Variants in FAF2 observed in about 807,000 individuals in gnomAD.
The protein encoded by FAF2 is Fas associated factor family member 2.
FAF2 carries 9 observed loss-of-function variants against 62.3 expected under a neutral mutation model. The ratio of observed to expected loss-of-function variants is 0.14; its 90% CI spans 0.09 to 0.25. FAF2 has a LOEUF of 0.25. FAF2 is among the 10% of genes least tolerant of loss of function. FAF2 has a pLI of 1.00. For synonymous variants in FAF2, 202 were observed against 198.0 expected, an observed-to-expected ratio of 1.02 and a Z score of -0.17; for missense variants, 368 against 556.2, an observed-to-expected ratio of 0.66 and a Z score of 3.40.
At chr5:176,466,958 T>A (rs1248702071) in intron 1 of FAF2, among the ~76,000 whole-genome samples, 1 of 151,102 alleles carries the variant, frequency 6.6e-6, no homozygotes, top group Non-Finnish European at 1.5e-5. Context: ...GCAATTACAT[T>A]TTTAACTTCT....
At chr5:176,493,389 C>G (rs529441930) in intron 5 of FAF2, among the ~76,000 whole-genome samples, 1 of 152,200 alleles carries the variant, frequency 6.6e-6, no homozygotes, top group Admixed American at 6.5e-5. Context: ...GGTAGACCAC[C>G]CTTGACCATG....
At chr5:176,499,215 A>G in intron 9 of FAF2, 130 bp downstream of exon 9, 1 of 848,492 alleles carries the variant, frequency 1.2e-6, no homozygotes, top group Non-Finnish European at 1.6e-6. Context: ...AAAAGGAAAA[A>G]GGAAAGAAAA....
intron 3 of FAF2, 41 bp from the exon 4 acceptor site, chr5:176,488,910 G>T: frequency 6.8e-7 from 1 of 1,478,228 alleles, no homozygotes; most frequent in African/African-American, 1.4e-5. Flanking sequence ...AAATATTAGG[G>T]ATTGAGAGAA....
chr5:176,469,375 G>T (rs1031488786), intron 1 of FAF2, among the ~76,000 whole-genome samples: 4 of 152,198 alleles, frequency 2.6e-5, no homozygotes, highest in Non-Finnish European at 5.9e-5. Flanking sequence ...CTCTCTTCCA[G>T]AAATGCTGAT....
intron 1 of FAF2, among the ~76,000 whole-genome samples, chr5:176,454,577 GAAAAAAAAAAAAAAAAAAAA>G (rs56324116): frequency 1.0e-5 from 1 of 95,324 alleles, no homozygotes; most frequent in Non-Finnish European, 2.0e-5. Context: ...GATTCTGTCT[GAAAAAAAAAAAAAAAAAAAA>G]AAAAAAAAAA....
At chr5:176,499,974 A>G (rs1484405427) in intron 9 of FAF2, 29 bp from the exon 10 acceptor site, 1 of 1,613,076 alleles carries the variant, frequency 6.2e-7, no homozygotes, top group East Asian at 2.2e-5. Flanking sequence ...CTTGAGCTGT[A>G]GCCTCACCTT....
chr5:176,487,575 C>T lies in FAF2; in HGVS notation c.267+1086C>T, dbSNP rs562260974. On this transcript the variant is annotated intron_variant, in intron 3 of 10. Coordinates refer to ENST00000261942, the MANE Select transcript of FAF2 (RefSeq NM_014613.3). Reference sequence around the variant, plus strand: ...CCATGTCAGCCATGGGGCTCCAGAGCTTCCTGGCCACAGACACAGAAAGTG... The same window carrying T: ...CCATGTCAGCCATGGGGCTCCAGAGTTTCCTGGCCACAGACACAGAAAGTG... 3.9e-5 allele frequency among the ~76,000 whole-genome samples: 6 copies of T among 152,286 alleles called. No individual in the cohort carries two copies. In the East Asian group the frequency reaches 9.7e-4, roughly 25 times the overall value.
chr5:176,496,912 C>T lies in FAF2; in HGVS notation c.839+249C>T, dbSNP rs977574681. ...GTGGCTAACACCTGAAATCCTAGCA[C>T]GTTAGGAGGCTGAGGCAGGAGGATT... is the stretch of plus-strand genomic sequence containing the variant. On this transcript the variant is annotated intron_variant, in intron 8 of 10. Coordinates refer to ENST00000261942, the MANE Select transcript of FAF2 (RefSeq NM_014613.3). 10 of 256,934 alleles carry T rather than the reference C, an allele frequency of 3.9e-5. No homozygotes were observed. In the East Asian group the frequency reaches 5.5e-4, roughly 14 times the overall value. 15.9% of individuals were successfully genotyped at this position (256,934 alleles called of 1,614,324 possible). A position where few individuals can be genotyped will look rare whatever the true frequency, so the allele number is the denominator to read the frequency against.
Position 176,479,193 on chromosome 5 carries a change from C to T in FAF2, c.69C>T (p.Leu23=), listed in dbSNP as rs200492756. The T allele has an allele frequency of 1.2e-6, 2 of 1,613,682 alleles. No individual in the cohort carries two copies. Among genetic ancestry groups the T allele is most frequent in the Non-Finnish European group, 8.5e-7 (1 of 1,179,788 alleles). Residue 23 remains leucine (L), a synonymous_variant, in exon 2 of 11, where the codon CTC becomes CTT. Coordinates refer to ENST00000261942, the MANE Select transcript of FAF2 (RefSeq NM_014613.3). ...GTTTTCATCCTTCTTTTCAGGATCTCACTGGCATCGAATCTATGGATCAGT... is the reference window on the plus strand; with the variant it reads ...GTTTTCATCCTTCTTTTCAGGATCTTACTGGCATCGAATCTATGGATCAGT... The part of the protein sequence containing the change: ...QTEKLLQFQD[L]TGIESMDQCR...
chr5:176,477,471 A>T (rs1758723447), intron 1 of FAF2, among the ~76,000 whole-genome samples: 1 of 152,090 alleles, frequency 6.6e-6, no homozygotes, highest in Admixed American at 6.6e-5. Context: ...AATGTAGGAC[A>T]CTGAAAGTTA....
intron 1 of FAF2, among the ~76,000 whole-genome samples, chr5:176,461,024 T>G (rs1234936444): frequency 6.6e-6 from 1 of 151,958 alleles, no homozygotes; most frequent in Non-Finnish European, 1.5e-5. Flanking sequence ...TTCTCTTTTT[T>G]TTTTTTCAGA....
chr5:176,509,314 T>C lies in FAF2; in HGVS notation c.*2364T>C, dbSNP rs1333460359. 6.6e-6 allele frequency: 1 copy of C among 152,218 alleles called. No individual in the cohort carries two copies. The highest frequency in any genetic ancestry group is 1.5e-5 in the Non-Finnish European group (1 of 68,036). The allele number at this position is 152,218 out of a possible 1,614,324, so 9.4% of individuals were successfully genotyped here. A position where few individuals can be genotyped will look rare whatever the true frequency, so the allele number is the denominator to read the frequency against. ...CACTTAATGCCAGTACAATCTGTGT[T>C]ACTCCTAAGGACTTTTGGGATTTTG... On this transcript the variant is annotated 3_prime_UTR_variant, in exon 11 of 11. Transcript: ENST00000261942.
rs191236660 is a variant in FAF2, at chr5:176,490,341, T to C, written c.344+1314T>C. On this transcript the variant is annotated intron_variant, in intron 4 of 10. Transcript: ENST00000261942. Reference sequence around the variant, plus strand: ...AAAAAAAAAGAAAAAGAAAAGAAAATGAGTGGGGCACAACTTCTTAGCATG... The same window carrying C: ...AAAAAAAAAGAAAAAGAAAAGAAAACGAGTGGGGCACAACTTCTTAGCATG... 3.6e-3 allele frequency among the ~76,000 whole-genome samples: 536 copies of C among 147,852 alleles called. 9 individuals carry two copies. The highest frequency in any genetic ancestry group is 0.034 in the Admixed American group (498 of 14,816).
chr5:176,486,321 G>A (rs377098077), intron 2 of FAF2, 34 bp from the exon 3 acceptor site: 62 of 1,608,960 alleles, frequency 3.9e-5, no homozygotes, highest in Non-Finnish European at 4.9e-5. Context: ...TTTGAGCATC[G>A]CTGAAACTCT....
At chr5:176,452,599 A>C (rs1581466094) in intron 1 of FAF2, among the ~76,000 whole-genome samples, 1 of 152,204 alleles carries the variant, frequency 6.6e-6, no homozygotes, top group Admixed American at 6.5e-5. Context: ...AGAGGAATAG[A>C]GTTTCAACAT....
At chr5:176,490,129 G>A (rs2113739714) in intron 4 of FAF2, among the ~76,000 whole-genome samples, 1 of 152,026 alleles carries the variant, frequency 6.6e-6, no homozygotes, top group Admixed American at 6.6e-5. Flanking sequence ...GGCTAATACG[G>A]TGAAACCCTG....
chr5:176,468,739 G>C (rs934709395), intron 1 of FAF2, among the ~76,000 whole-genome samples: 6 of 151,612 alleles, frequency 4.0e-5, no homozygotes, highest in Non-Finnish European at 7.4e-5. Context: ...TTCAAGACCA[G>C]GCTGAGCAAC....
chr5:176,468,788 A>C (rs1050101900), intron 1 of FAF2, among the ~76,000 whole-genome samples: 16 of 150,996 alleles, frequency 1.1e-4, no homozygotes, highest in South Asian at 2.1e-4. Flanking sequence ...AAAAAAACAA[A>C]AAAAAAAAAG....
chr5:176,484,784 G>A (rs377123599), intron 2 of FAF2, among the ~76,000 whole-genome samples: 5 of 151,996 alleles, frequency 3.3e-5, no homozygotes, highest in African/African-American at 9.6e-5. Flanking sequence ...CCAGCTACTC[G>A]GGAGGCTGAG....
Sources: gnomAD v4.1 joint callset for allele counts (sites outside exome capture counted in the v4.1 genomes callset) on GRCh38, gnomAD v4.1.1 for gene constraint, MANE v1.5 for transcripts, NCBI Gene and HGNC (gene_info 2026-07-23, HGNC 2026-07-21) for gene names.